The following DPEP1 variants were observed in gnomAD, a reference collection of about 807,000 sequenced individuals.
The protein encoded by DPEP1 is beta-lactamase.
A neutral mutation model predicts 42.3 loss-of-function variants in DPEP1; 50 were observed. The observed-to-expected ratio is 1.18, with a 90% CI of 0.94 to 1.50. The LOEUF is 1.50. Among genes scored for constraint, DPEP1 ranks in the 40% most tolerant of loss-of-function variants. The probability of loss-of-function intolerance (pLI) is 0.00; values close to 1 mark genes in which losing one functional copy is unlikely to be tolerated. For missense variants in DPEP1, 663 were observed against 553.0 expected, an observed-to-expected ratio of 1.20 and a Z score of -1.99; for synonymous variants, 297 against 234.0, an observed-to-expected ratio of 1.27 and a Z score of -2.46.
rs2059688538 is a variant in DPEP1 at position 89,636,928 on chromosome 16, T to G, written c.584T>G (p.Phe195Cys). 6.2e-7 allele frequency: 1 copy of G among 1,612,240 alleles called. No individual in the cohort carries two copies. Among genetic ancestry groups the G allele is most frequent in the African/African-American group, 1.3e-5 (1 of 74,908 alleles). Residue 195 changes from phenylalanine to cysteine, a missense_variant, in exon 6 of 11, where the codon TTT becomes TGT. Phe to Cys is a radical substitution (Grantham distance 205). Coordinates refer to ENST00000690203, the MANE Select transcript of DPEP1 (RefSeq NM_001389466.1). ...CCCCAGAGCCAAGGCTTGTCACCCT[T>G]TGGGCAGGTGAGTGGGGTGGGAGCG... The part of the protein sequence containing the change: ...SEPQSQGLSP[F>C]GQRVVKELNR...
chr16:89,637,256 T>A lies in DPEP1; in HGVS notation c.644T>A (p.Val215Glu). 1 of 1,612,732 alleles carries A rather than the reference T, an allele frequency of 6.2e-7. No homozygotes were observed. Among genetic ancestry groups the A allele is most frequent in the Non-Finnish European group, 8.5e-7 (1 of 1,179,958 alleles). ...GGGGTCCTCATCGACTTGGCTCACG[T>A]GTCTGTGGCCACCATGAAGGCCACC... Reference protein sequence around the residue: ...RLGVLIDLAHVSVATMKATLQ... With the variant: ...RLGVLIDLAHESVATMKATLQ... Residue 215 changes from valine (V) to glutamate (E), a missense_variant, in exon 7 of 11, where the codon GTG becomes GAG. Coordinates refer to ENST00000690203, the MANE Select transcript of DPEP1 (RefSeq NM_001389466.1).
At chr16:89,635,853 C>T (rs1399839832) in intron 2 of DPEP1, 55 bp from the exon 3 acceptor site, 1 of 1,531,520 alleles carries the variant, frequency 6.5e-7, no homozygotes, top group Non-Finnish European at 8.8e-7. Context: ...AGCTCGGAAG[C>T]CCCCAGGTCC....
chr16:89,617,798 C>G (rs571061132), intron 1 of DPEP1, among the ~76,000 whole-genome samples: 48 of 94,388 alleles, frequency 5.1e-4, no homozygotes, highest in Non-Finnish European at 8.1e-4. Context: ...CCAAGACGGG[C>G]AGATCATTTG....
chr16:89,621,848 C>G (rs899935258), intron 1 of DPEP1, among the ~76,000 whole-genome samples: 1 of 152,176 alleles, frequency 6.6e-6, no homozygotes, highest in African/African-American at 2.4e-5. Context: ...CCCAGGTGTT[C>G]TCGTCTGCGA....
chr16:89,633,174 G>A (rs896271407), intron 2 of DPEP1, among the ~76,000 whole-genome samples: 3 of 152,176 alleles, frequency 2.0e-5, no homozygotes, highest in African/African-American at 7.2e-5. Flanking sequence ...TGCTGCCCGG[G>A]CAGGGTCCCT....
At chr16:89,623,904 C>T (rs989241870) in intron 1 of DPEP1, among the ~76,000 whole-genome samples, 6 of 152,214 alleles carry the variant, frequency 3.9e-5, no homozygotes, top group Middle Eastern at 3.4e-3. Flanking sequence ...CACTAAAGCA[C>T]GTGGCTGAGA....
upstream of DPEP1, chr16:89,613,451 C>CT: frequency 1.0e-5 from 1 of 99,480 alleles, no homozygotes; most frequent in Non-Finnish European, 2.4e-5. Flanking sequence ...CTCCTCCTCT[C>CT]TCCCTCCTCC....
At chr16:89,637,052 C>T in intron 6 of DPEP1, 117 bp downstream of exon 6, 2 of 1,526,880 alleles carry the variant, frequency 1.3e-6, no homozygotes, top group Non-Finnish European at 8.8e-7. Flanking sequence ...TAAAATGGAG[C>T]TGGCAGCCAT....
upstream of DPEP1, chr16:89,613,410 G>T (rs2059349796): frequency 6.6e-6 from 1 of 152,306 alleles, no homozygotes; most frequent in African/African-American, 2.4e-5. Context: ...GGGAGGTCAG[G>T]ACGCAGAGCC....
chr16:89,635,736 C>T (rs2059669001), intron 2 of DPEP1, among the ~76,000 whole-genome samples, 172 bp from the exon 3 acceptor site: 1 of 152,146 alleles, frequency 6.6e-6, no homozygotes, highest in Non-Finnish European at 1.5e-5. Flanking sequence ...ATGCAGCCTG[C>T]ACAGGTGTGT....
chr16:89,640,367 A>C (rs865842879), downstream of DPEP1, among the ~76,000 whole-genome samples: 13 of 152,246 alleles, frequency 8.5e-5, no homozygotes, highest in African/African-American at 3.1e-4. Flanking sequence ...GGAGGTGGCC[A>C]CAGCATCGGA....
In DPEP1 at chr16:89,636,656, C is replaced by A; in HGVS notation, c.494C>A (p.Thr165Asn). Residue 165 changes from threonine to asparagine, a missense_variant, in exon 5 of 11, where the codon ACC becomes AAC. Physicochemically the swap from Thr to Asn is moderately conservative, Grantham distance 65 (BLOSUM62 0). Coordinates refer to ENST00000690203, the MANE Select transcript of DPEP1 (RefSeq NM_001389466.1). ...TATCAGCTGGGCATGCGGTACCTGA[C>A]CCTCACCCACAGCTGCAACACGCCC... ...ALYQLGMRYL[T>N]LTHSCNTPWA... The A allele has an allele frequency of 6.2e-7, 1 of 1,612,568 alleles. No individual in the cohort carries two copies. Among genetic ancestry groups the A allele is most frequent in the Non-Finnish European group, 8.5e-7 (1 of 1,179,944 alleles).
At chr16:89,637,430 C>G (rs766574382) in intron 7 of DPEP1, 38 bp from the exon 8 acceptor site, 10 of 1,612,782 alleles carry the variant, frequency 6.2e-6, no homozygotes, top group Middle Eastern at 1.7e-4. Flanking sequence ...GCAGGCCCTC[C>G]CAGCTCTCAG....
At chr16:89,622,594 G>A (rs1489656503) in intron 1 of DPEP1, among the ~76,000 whole-genome samples, 2 of 152,106 alleles carry the variant, frequency 1.3e-5, no homozygotes, top group South Asian at 2.1e-4. Flanking sequence ...GACCATCCTG[G>A]CCAACATGGT....
At chr16:89,620,297 C>T (rs781562609) in intron 1 of DPEP1, among the ~76,000 whole-genome samples, 57 of 152,188 alleles carry the variant, frequency 3.7e-4, no homozygotes, top group Non-Finnish European at 7.2e-4. Flanking sequence ...GGGGGACACA[C>T]GACCTGGGAC....
chr16:89,630,105 C>G (rs112712630), intron 1 of DPEP1, among the ~76,000 whole-genome samples, 200 bp from the exon 2 acceptor site: 2 of 152,294 alleles, frequency 1.3e-5, no homozygotes, highest in African/African-American at 4.8e-5. Flanking sequence ...CTAGCTCCAC[C>G]CCTGGGTCTG....
At chr16:89,629,515 C>G (rs540562806) in intron 1 of DPEP1, among the ~76,000 whole-genome samples, 3 of 151,246 alleles carry the variant, frequency 2.0e-5, no homozygotes, top group Non-Finnish European at 4.4e-5. Flanking sequence ...CCCCACCCCC[C>G]CCCGAAGCCT....
Position 89,630,318 on chromosome 16 carries a change from T to C in DPEP1, c.-93T>C. ...CTCTCCTGGCAGGCAGAGTGGCTCC[T>C]CACAGCCTGAAGCTCATCCTTCTGC... On this transcript the variant is annotated 5_prime_UTR_variant, in exon 2 of 11. Coordinates refer to ENST00000690203, the MANE Select transcript of DPEP1 (RefSeq NM_001389466.1). 7.7e-6 allele frequency: 8 copies of C among 1,033,480 alleles called. No homozygotes were observed. The allele number at this position is 1,033,480 out of a possible 1,614,324, so 64.0% of individuals were successfully genotyped here.
chr16:89,620,477 C>G (rs573075018), intron 1 of DPEP1: 1 of 152,284 alleles, frequency 6.6e-6, no homozygotes, highest in Non-Finnish European at 1.5e-5. Flanking sequence ...GGCCTGGGAC[C>G]GAGAGTCCCA....
Sources: gnomAD v4.1 joint callset for allele counts (sites outside exome capture counted in the v4.1 genomes callset) on GRCh38, gnomAD v4.1.1 for gene constraint, MANE v1.5 for transcripts, NCBI Gene and HGNC (gene_info 2026-07-23, HGNC 2026-07-21) for gene names.